The following FILIP1L variants were observed in gnomAD, a reference collection of about 807,000 sequenced individuals.
FILIP1L encodes filamin A interacting protein 1 like.
A neutral mutation model predicts 96.6 loss-of-function variants in FILIP1L; 55 were observed. That is an observed-to-expected ratio of 0.57 (90% CI 0.46 to 0.71). The LOEUF (loss-of-function observed/expected upper bound fraction) is 0.71. Ranked by LOEUF, FILIP1L falls within the 30% of genes least tolerant of loss-of-function variation. FILIP1L has a pLI of 0.00. For synonymous variants in FILIP1L, 467 were observed against 473.9 expected (o/e 0.99, Z 0.19); for missense variants, 1,304 against 1,321.2 (o/e 0.99, Z 0.20).
chr3:99,851,095 T>C, intron 4 of FILIP1L, 25 bp from the exon 5 acceptor site: 1 of 1,532,070 alleles, frequency 6.5e-7, no homozygotes, highest in Non-Finnish European at 8.7e-7. Context: ...GTGCATTTTA[T>C]TTTGTGATTG....
chr3:99,995,172 T>C (rs1709640083), intron 1 of FILIP1L, among the ~76,000 whole-genome samples: 1 of 152,202 alleles, frequency 6.6e-6, no homozygotes, highest in Non-Finnish European at 1.5e-5. Context: ...ACTTCCTAGA[T>C]ACAATGTGGG....
chr3:99,957,693 C>CTTTTTTTTTTTTTTTTTT (rs779350496), intron 1 of FILIP1L, among the ~76,000 whole-genome samples: 224 of 19,892 alleles, frequency 0.011, 43 homozygotes, highest in Non-Finnish European at 0.015. Flanking sequence ...TTCTTTCTTT[C>CTTTTTTTTTTTTTTTTTT]TTTTTTTTTT....
Position 99,936,729 on chromosome 3 carries a change from G to A in FILIP1L, c.-10-5699C>T, listed in dbSNP as rs71313580. The stretch of plus-strand genomic sequence containing the variant: ...GGTCACACTGCTAAAAAGTGGCAGA[G>A]TCAGAGTCAGGCCCTAATTTAGGCA... On this transcript the variant is annotated intron_variant, in intron 1 of 5. Coordinates refer to ENST00000477258, the MANE Select transcript of FILIP1L (RefSeq NM_001387850.1). 3.3e-5 allele frequency among the ~76,000 whole-genome samples: 5 copies of A among 151,134 alleles called. No individual in the cohort carries two copies. The South Asian group carries it at 8.4e-4, about 25-fold the overall frequency.
chr3:100,053,230 A>T (rs1450252170), intron 1 of FILIP1L, among the ~76,000 whole-genome samples: 2 of 152,204 alleles, frequency 1.3e-5, no homozygotes, highest in Admixed American at 1.3e-4. Flanking sequence ...GCCATAACAG[A>T]TTACCACAAA....
At chr3:100,067,378 C>A (rs1559746167) in intron 1 of FILIP1L, among the ~76,000 whole-genome samples, 1 of 152,138 alleles carries the variant, frequency 6.6e-6, no homozygotes, top group Admixed American at 6.6e-5. Context: ...TAACTAAGCA[C>A]CCTGGTGAAG....
rs1707116382 is a variant in FILIP1L at position 99,921,289 on chromosome 3, T to C, written c.605+2941A>G. Among the ~76,000 whole-genome samples, 3 of 152,202 alleles carry C rather than the reference T, an allele frequency of 2.0e-5. No homozygotes were observed. In the South Asian group the frequency reaches 6.2e-4, roughly 32 times the overall value. On this transcript the variant is annotated intron_variant, in intron 4 of 5. Transcript: ENST00000477258. The stretch of plus-strand genomic sequence containing the variant: ...CACCTCCTCTGAGCGTTTATTTACC[T>C]GAAGTCATTAGTTTCCCCCACTTCC...
intron 4 of FILIP1L, among the ~76,000 whole-genome samples, chr3:99,902,718 T>G (rs1206026538): frequency 6.6e-6 from 1 of 152,226 alleles, no homozygotes; most frequent in African/African-American, 2.4e-5. Context: ...TTATTTTTTA[T>G]TAAAAATCAG....
intron 4 of FILIP1L, among the ~76,000 whole-genome samples, chr3:99,887,275 A>C (rs910017283): frequency 1.1e-4 from 16 of 152,194 alleles, no homozygotes; most frequent in African/African-American, 3.9e-4. Context: ...CTCAAAAAAA[A>C]AAAAAGTATC....
intron 1 of FILIP1L, among the ~76,000 whole-genome samples, chr3:100,063,493 T>TA (rs913873834): frequency 8.6e-5 from 13 of 151,994 alleles, no homozygotes; most frequent in African/African-American, 1.2e-4. Flanking sequence ...GAATTTACTT[T>TA]AAAAAAAAGA....
intron 1 of FILIP1L, among the ~76,000 whole-genome samples, chr3:99,968,122 C>T (rs777872864): frequency 1.3e-5 from 2 of 152,104 alleles, no homozygotes; most frequent in Non-Finnish European, 2.9e-5. Flanking sequence ...TCAAGGGCAC[C>T]TAGCCTTACG....
chr3:100,059,403 G>T (rs773563240), intron 1 of FILIP1L, among the ~76,000 whole-genome samples: 1 of 152,134 alleles, frequency 6.6e-6, no homozygotes, highest in Non-Finnish European at 1.5e-5. Flanking sequence ...CCTCATCTCC[G>T]TGATCATCAC....
intron 1 of FILIP1L, among the ~76,000 whole-genome samples, chr3:99,950,532 C>T (rs1708145387): frequency 6.6e-6 from 1 of 152,088 alleles, no homozygotes; most frequent in Non-Finnish European, 1.5e-5. Context: ...GGTGACTTTC[C>T]TTCCTTTTCA....
chr3:100,091,436 GGAA>G (rs1277313955), intron 1 of FILIP1L, among the ~76,000 whole-genome samples: 23 of 152,306 alleles, frequency 1.5e-4, no homozygotes, highest in African/African-American at 5.5e-4. Context: ...GTTTTGTAAG[GGAA>G]GAAGAAGTGT....
intron 1 of FILIP1L, among the ~76,000 whole-genome samples, chr3:100,099,676 T>C (rs2066271828): frequency 6.6e-6 from 1 of 152,192 alleles, no homozygotes; most frequent in Non-Finnish European, 1.5e-5. Flanking sequence ...TACCATGTTA[T>C]TCATTCCATA....
chr3:99,931,973 G>A (rs1409561262), intron 1 of FILIP1L, among the ~76,000 whole-genome samples: 3 of 151,994 alleles, frequency 2.0e-5, no homozygotes, highest in African/African-American at 7.3e-5. Flanking sequence ...TTTCATCATC[G>A]CCAGTACCTT....
At chr3:99,940,362 A>G (rs1473176535) in intron 1 of FILIP1L, among the ~76,000 whole-genome samples, 1 of 152,226 alleles carries the variant, frequency 6.6e-6, no homozygotes, top group African/African-American at 2.4e-5. Flanking sequence ...ATCACTTTCC[A>G]TATTTCTTCC....
chr3:100,021,811 A>C (rs939927075), intron 1 of FILIP1L, among the ~76,000 whole-genome samples: 1 of 152,170 alleles, frequency 6.6e-6, no homozygotes, highest in Admixed American at 6.5e-5. Flanking sequence ...CTAAATGATT[A>C]AAGAATAGAT....
At position 99,848,546 on chromosome 3, in the gene FILIP1L, A is replaced by G; in HGVS notation, c.3130T>C (p.Phe1044Leu). The change falls in exon 5 of 6, where the codon TTT becomes CTT. Residue 1044 changes from phenylalanine to leucine, a missense_variant. By Grantham distance (22) the Phe-to-Leu change is conservative. Coordinates refer to ENST00000477258, the MANE Select transcript of FILIP1L (RefSeq NM_001387850.1). ...VSPDRQSSWQ[F>L]QRSNSNSSSV... ...GAGCTATTGCTGTTTGAACGCTGAAACTGCCATGATGACTGCCGGTCTGGG... is the reference window on the plus strand; with the variant it reads ...GAGCTATTGCTGTTTGAACGCTGAAGCTGCCATGATGACTGCCGGTCTGGG... 6.2e-7 allele frequency: 1 copy of G among 1,614,118 alleles called. No individual in the cohort carries two copies. Among genetic ancestry groups the G allele is most frequent in the South Asian group, 1.1e-5 (1 of 91,084 alleles).
intron 4 of FILIP1L, among the ~76,000 whole-genome samples, chr3:99,859,779 T>TA (rs11378627): frequency 1 from 151,867 of 152,282 alleles, 75,728 homozygotes; most frequent in Middle Eastern, 1. Context: ...TAAATTTTGG[T>TA]ATCAGGCCTA....
Sources: allele counts gnomAD v4.1 joint callset (sites outside exome capture counted in the v4.1 genomes callset), GRCh38; gene constraint gnomAD v4.1.1; transcripts MANE v1.5; gene names NCBI Gene and HGNC (gene_info 2026-07-23, HGNC 2026-07-21).